Variants in KIFAP3 observed in about 807,000 individuals in gnomAD.
KIFAP3 encodes the protein kinesin associated protein 3, also known as kinesin-associated protein 3.
Under a neutral mutation model 106.5 loss-of-function variants are expected in KIFAP3, and 68 were observed. That is an observed-to-expected ratio of 0.64 (90% CI 0.53 to 0.78). The LOEUF (loss-of-function observed/expected upper bound fraction) is 0.78, where lower values mean the gene tolerates loss of function less well. Ranked by LOEUF, KIFAP3 falls within the 30% of genes least tolerant of loss-of-function variation. The pLI is 0.00. For synonymous variants in KIFAP3, 320 were observed against 311.5 expected (o/e 1.03, Z -0.29); for missense variants, 780 against 941.8 (o/e 0.83, Z 2.25).
At chr1:169,956,450 A>G (rs1249905426) in intron 18 of KIFAP3, among the ~76,000 whole-genome samples, 1 of 152,168 alleles carries the variant, frequency 6.6e-6, no homozygotes, top group African/African-American at 2.4e-5. Flanking sequence ...ATAGAAATAC[A>G]GGGCACTAGA....
intron 10 of KIFAP3, among the ~76,000 whole-genome samples, chr1:169,995,626 C>T (rs920201725): frequency 1.3e-5 from 2 of 151,934 alleles, no homozygotes; most frequent in African/African-American, 4.8e-5. Context: ...AATAATCAAA[C>T]ATTAAAATTC....
At chr1:170,001,509 G>A (rs1168272309) in intron 10 of KIFAP3, among the ~76,000 whole-genome samples, 1 of 152,128 alleles carries the variant, frequency 6.6e-6, no homozygotes, top group Non-Finnish European at 1.5e-5. Flanking sequence ...CGAGACATGT[G>A]CTTTCTGTTA....
At chr1:170,050,220 T>C (rs1315077432) in intron 2 of KIFAP3, among the ~76,000 whole-genome samples, 1 of 151,880 alleles carries the variant, frequency 6.6e-6, no homozygotes, top group Non-Finnish European at 1.5e-5. Context: ...AATAGCCAAA[T>C]CGATCAAGCA....
chr1:170,027,014 C>CTTTTTTTTTTTTTTTTTTTTTTTTTTTT (rs71125222), intron 8 of KIFAP3, among the ~76,000 whole-genome samples: 1 of 64,388 alleles, frequency 1.6e-5, no homozygotes. Context: ...TGTCTTGCTT[C>CTTTTTTTTTTTTTTTTTTTTTTTTTTTT]TTTTTTTTTT....
intron 1 of KIFAP3, among the ~76,000 whole-genome samples, chr1:170,072,501 G>A (rs1459660172): frequency 1.3e-5 from 2 of 152,142 alleles, no homozygotes; most frequent in African/African-American, 4.8e-5. Context: ...CAGGAAAGAT[G>A]AGGAATTAGC....
intron 19 of KIFAP3, among the ~76,000 whole-genome samples, chr1:169,922,763 T>C (rs1481845180): frequency 6.6e-6 from 1 of 152,158 alleles, no homozygotes; most frequent in Non-Finnish European, 1.5e-5. Context: ...AAATGTAAGC[T>C]TTGGAAAAAT....
chr1:170,010,016 C>T (rs1170281861), intron 10 of KIFAP3, among the ~76,000 whole-genome samples: 1 of 152,072 alleles, frequency 6.6e-6, no homozygotes, highest in Non-Finnish European at 1.5e-5. Flanking sequence ...TATGATAGAT[C>T]TCCCAGATGG....
intron 16 of KIFAP3, among the ~76,000 whole-genome samples, chr1:169,976,172 C>T (rs965072705): frequency 1.3e-5 from 2 of 152,078 alleles, no homozygotes. Context: ...TTTTAGTCCT[C>T]ACAAAAAACC....
In KIFAP3 at chr1:169,985,779, G is replaced by C. The variant is rs186676051; in HGVS notation, c.1285-1089C>G. Among the ~76,000 whole-genome samples the C allele has an allele frequency of 7.5e-3, 1,139 of 151,446 alleles. 11 individuals are homozygous for C. Among genetic ancestry groups the C allele is most frequent in the African/African-American group, 0.026 (1,078 of 41,116 alleles). ...GAGAAAAAAACATTTTTAGTGATAAGAGAAAAAGAAAGAGGGTCTGAAAAA... is the reference window on the plus strand; with the variant it reads ...GAGAAAAAAACATTTTTAGTGATAACAGAAAAAGAAAGAGGGTCTGAAAAA... On this transcript the variant is annotated intron_variant, in intron 11 of 19. Transcript: ENST00000361580.
intron 1 of KIFAP3, among the ~76,000 whole-genome samples, chr1:170,055,847 T>A (rs531283378): frequency 6.6e-6 from 1 of 152,054 alleles, no homozygotes; most frequent in Non-Finnish European, 1.5e-5. Flanking sequence ...AAAGAAAAAG[T>A]CAGGCCAGAC....
upstream of KIFAP3, among the ~76,000 whole-genome samples, chr1:170,078,777 A>G (rs1469098391): frequency 6.6e-6 from 1 of 152,246 alleles, no homozygotes; most frequent in Non-Finnish European, 1.5e-5. Context: ...AAAATATAAA[A>G]TGAAAGCATA....
chr1:170,062,031 G>C (rs28418890), intron 1 of KIFAP3, among the ~76,000 whole-genome samples: 3,428 of 152,134 alleles, frequency 0.023, 116 homozygotes, highest in African/African-American at 0.066. Context: ...GGAGAGGGGG[G>C]AGGGATAGCA....
intron 1 of KIFAP3, among the ~76,000 whole-genome samples, chr1:170,055,776 A>G (rs1350440893): frequency 1.3e-5 from 2 of 152,194 alleles, no homozygotes; most frequent in East Asian, 1.9e-4. Context: ...TTTGGAGAGA[A>G]TGACCTCAAC....
chr1:170,082,383 A>G (rs530679512), intron 1 of KIFAP3, among the ~76,000 whole-genome samples: 27 of 152,350 alleles, frequency 1.8e-4, no homozygotes, highest in Non-Finnish European at 3.7e-4. Context: ...ACCCCGATCT[A>G]TTATGACAGA....
At chr1:170,046,047 C>T (rs1670229986) in intron 3 of KIFAP3, among the ~76,000 whole-genome samples, 1 of 151,614 alleles carries the variant, frequency 6.6e-6, no homozygotes, top group African/African-American at 2.4e-5. Context: ...ATCATCCTGT[C>T]CCATTACTTC....
intron 19 of KIFAP3, among the ~76,000 whole-genome samples, chr1:169,953,809 C>T (rs941282768): frequency 7.9e-5 from 12 of 152,298 alleles, no homozygotes; most frequent in East Asian, 5.8e-4. Flanking sequence ...CCACCACACG[C>T]GGCCTTGTGA....
intron 2 of KIFAP3, among the ~76,000 whole-genome samples, chr1:170,049,158 A>G (rs186530027): frequency 5.6e-4 from 86 of 152,290 alleles, no homozygotes; most frequent in Non-Finnish European, 9.4e-4. Context: ...GTCTGCCATC[A>G]GTGAGGCTGT....
intron 2 of KIFAP3, among the ~76,000 whole-genome samples, chr1:170,050,511 C>T (rs1273426779): frequency 1.3e-5 from 2 of 151,992 alleles, no homozygotes; most frequent in African/African-American, 2.4e-5. Context: ...AGATACTCCT[C>T]GAGAAGATAA....
intron 10 of KIFAP3, among the ~76,000 whole-genome samples, chr1:170,008,736 GA>G (rs1258705207): frequency 6.6e-6 from 1 of 152,184 alleles, no homozygotes; most frequent in African/African-American, 2.4e-5. Flanking sequence ...TCCAGAACCA[GA>G]AATAGCATTT....
Sources: allele counts gnomAD v4.1 joint callset (sites outside exome capture counted in the v4.1 genomes callset), GRCh38; gene constraint gnomAD v4.1.1; transcripts MANE v1.5; gene names NCBI Gene and HGNC (gene_info 2026-07-23, HGNC 2026-07-21).